THSD4: variants seen among roughly 807,000 people sequenced by gnomAD.
THSD4 encodes thrombospondin type 1 domain containing 4, also known as thrombospondin type-1 domain-containing protein 4.
THSD4 carries 69 observed loss-of-function variants against 119.0 expected under a neutral mutation model. The observed-to-expected ratio is 0.58, with a 90% CI of 0.48 to 0.71. THSD4 has a LOEUF of 0.71. THSD4 is among the 30% of genes least tolerant of loss of function. The pLI, the probability that THSD4 is intolerant of heterozygous loss-of-function variation, is 0.00. For missense variants in THSD4, 1,393 were observed against 1,391.1 expected (o/e 1.00, Z -0.02); for synonymous variants, 524 against 540.4 (o/e 0.97, Z 0.42).
At chr15:71,377,821 T>C (rs1345746864) in intron 6 of THSD4, among the ~76,000 whole-genome samples, 1 of 148,516 alleles carries the variant, frequency 6.7e-6, no homozygotes, top group Non-Finnish European at 1.5e-5. Flanking sequence ...TCTTTCCTGC[T>C]TGTGATCACA....
intron 8 of THSD4, among the ~76,000 whole-genome samples, chr15:71,720,033 T>TC (rs377234569): frequency 0.54 from 46,672 of 86,236 alleles, 14,159 homozygotes; most frequent in South Asian, 0.75. Flanking sequence ...TTTTTTTTTT[T>TC]TTCTTTTTTT....
intron 7 of THSD4, among the ~76,000 whole-genome samples, chr15:71,569,148 T>C (rs1022186715): frequency 6.6e-6 from 1 of 152,246 alleles, no homozygotes; most frequent in African/African-American, 2.4e-5. Context: ...AAGTTTTAGT[T>C]GTTTTCTTTG....
At chr15:71,323,746 G>C (rs58645711) in intron 6 of THSD4, among the ~76,000 whole-genome samples, 28,513 of 152,126 alleles carry the variant, frequency 0.19, 2,843 homozygotes, top group African/African-American at 0.26. Flanking sequence ...CTTAGAAACA[G>C]ACACAGAGTT....
chr15:71,416,272 G>GTGTTGA (rs1380386182), intron 7 of THSD4, among the ~76,000 whole-genome samples: 1 of 39,424 alleles, frequency 2.5e-5, no homozygotes, highest in Admixed American at 4.5e-4. Context: ...TCAAGTTGAT[G>GTGTTGA]CAAATCTTGG....
intron 6 of THSD4, among the ~76,000 whole-genome samples, chr15:71,379,750 G>A (rs925230050): frequency 5.3e-5 from 8 of 151,928 alleles, no homozygotes; most frequent in Admixed American, 2.0e-4. Flanking sequence ...GAGCCACCGC[G>A]CCCGGCCACA....
At position 71,702,864 on chromosome 15, in the gene THSD4, C is replaced by T. The variant is rs911137172; in HGVS notation, c.1358-25685C>T. On this transcript the variant is annotated intron_variant, in intron 8 of 17. Coordinates refer to ENST00000261862, the MANE Select transcript of THSD4 (RefSeq NM_024817.3). ...TGTTTCCCTCAAAGGAGGCAGAGTC[C>T]GTGCCTCTCTGTCCACTATTGTATG... Among the ~76,000 whole-genome samples, 23 of 152,154 alleles carry T rather than the reference C, an allele frequency of 1.5e-4. 1 individual carries two copies. The highest frequency in any genetic ancestry group is 1.4e-3 in the Admixed American group (21 of 15,272).
rs920113058 is a variant in THSD4, at chr15:71,671,482, A to G, written c.1357+10748A>G. ...TTGTTTTGCTGTGCAGAAGCTCTTG[A>G]GTTCAATTAGATCCCATTTGTCAAT... On this transcript the variant is annotated intron_variant, in intron 8 of 17. Coordinates refer to ENST00000261862, the MANE Select transcript of THSD4 (RefSeq NM_024817.3). 1.5e-4 allele frequency among the ~76,000 whole-genome samples: 23 copies of G among 152,186 alleles called. 1 individual carries two copies. Among genetic ancestry groups the G allele is most frequent in the African/African-American group, 3.6e-4 (15 of 41,448 alleles).
intron 4 of THSD4, among the ~76,000 whole-genome samples, chr15:71,218,559 A>G (rs1342750331): frequency 1.3e-5 from 2 of 152,272 alleles, no homozygotes; most frequent in South Asian, 2.1e-4. Flanking sequence ...AGTTTTTATC[A>G]TGCTCTTGTG....
At chr15:71,401,871 G>C (rs2046537616) in intron 6 of THSD4, among the ~76,000 whole-genome samples, 1 of 152,178 alleles carries the variant, frequency 6.6e-6, no homozygotes. Flanking sequence ...ATCAATGATA[G>C]ACTGGATTAA....
chr15:71,539,414 C>A (rs1291710330), intron 7 of THSD4, among the ~76,000 whole-genome samples: 1 of 152,192 alleles, frequency 6.6e-6, no homozygotes, highest in Admixed American at 6.5e-5. Flanking sequence ...TGTGGAGAAA[C>A]CTGCATCTTC....
intron 7 of THSD4, among the ~76,000 whole-genome samples, chr15:71,634,590 T>G (rs2050701477): frequency 6.6e-6 from 1 of 152,208 alleles, no homozygotes; most frequent in Non-Finnish European, 1.5e-5. Context: ...AGGGCATCAG[T>G]CACGCAGGGA....
chr15:71,521,326 G>T (rs1390452146), intron 7 of THSD4, among the ~76,000 whole-genome samples: 1 of 152,060 alleles, frequency 6.6e-6, no homozygotes, highest in Non-Finnish European at 1.5e-5. Context: ...TATTTTAAAA[G>T]AAAAATATGT....
chr15:71,182,491 T>C (rs1304173632), intron 3 of THSD4, among the ~76,000 whole-genome samples: 2 of 151,888 alleles, frequency 1.3e-5, no homozygotes, highest in Middle Eastern at 3.4e-3. Flanking sequence ...GTATTTTATG[T>C]ACTTTAATTT....
At chr15:71,519,034 T>C (rs1399195400) in intron 7 of THSD4, among the ~76,000 whole-genome samples, 1 of 152,188 alleles carries the variant, frequency 6.6e-6, no homozygotes, top group Non-Finnish European at 1.5e-5. Flanking sequence ...GAACAATAGA[T>C]GGAGTAAAGC....
intron 6 of THSD4, among the ~76,000 whole-genome samples, chr15:71,339,017 TCA>T (rs2045526792): frequency 6.6e-6 from 1 of 152,134 alleles, no homozygotes. Flanking sequence ...TTGCAGGACA[TCA>T]CACTGTGTCT....
Position 71,680,344 on chromosome 15 carries a change from G to A in THSD4, c.1357+19610G>A, listed in dbSNP as rs1374926409. On this transcript the variant is annotated intron_variant, in intron 8 of 17. Transcript: ENST00000261862. ...GTTCTCAGCAGGCAGCATAGATCCT[G>A]TCCTACATGAATGCTTTCAGTTGAA... is the stretch of plus-strand genomic sequence containing the variant. Among the ~76,000 whole-genome samples, 3 of 152,292 alleles carry A rather than the reference G, an allele frequency of 2.0e-5. No homozygotes were observed. The East Asian group carries it at 5.8e-4, about 29-fold the overall frequency.
intron 6 of THSD4, among the ~76,000 whole-genome samples, chr15:71,326,425 C>T (rs1290485138): frequency 6.6e-6 from 1 of 151,362 alleles, no homozygotes; most frequent in African/African-American, 2.4e-5. Flanking sequence ...GCCTGTAATC[C>T]CAGCACTTTG....
Position 71,765,175 on chromosome 15 carries a change from A to G in THSD4, c.2745A>G (p.Lys915=). 1 of 1,614,156 alleles carries G rather than the reference A, an allele frequency of 6.2e-7. No individual in the cohort carries two copies. The highest frequency in any genetic ancestry group is 8.5e-7 in the Non-Finnish European group (1 of 1,180,004). ...GCCACCTCAAGCCTTGCGGAGCCAA[A>G]TGGTTTAGCACCGAATGGAGCATGG... ...QSCHLKPCGA[K]WFSTEWSMCS... The change falls in exon 16 of 18, where the codon AAA becomes AAG. Residue 915 remains lysine (K), a synonymous_variant. Transcript: ENST00000261862.
intron 7 of THSD4, among the ~76,000 whole-genome samples, chr15:71,613,475 A>G (rs1448164664): frequency 6.6e-6 from 1 of 152,198 alleles, no homozygotes; most frequent in Admixed American, 6.5e-5. Flanking sequence ...GGGTTTATCA[A>G]TTGTCTATTA....
Sources: allele counts gnomAD v4.1 joint callset (sites outside exome capture counted in the v4.1 genomes callset), GRCh38; gene constraint gnomAD v4.1.1; transcripts MANE v1.5; gene names NCBI Gene and HGNC (gene_info 2026-07-23, HGNC 2026-07-21).